The following COL9A3 variants were observed in gnomAD, a reference collection of about 807,000 sequenced individuals.
The protein encoded by COL9A3 is collagen type IX alpha 3 chain, also known as collagen alpha-3(IX) chain.
Under a neutral mutation model 110.2 loss-of-function variants are expected in COL9A3, and 82 were observed. The observed-to-expected ratio is 0.74, with a 90% CI of 0.62 to 0.89. The LOEUF (loss-of-function observed/expected upper bound fraction) is 0.89, where lower values mean the gene tolerates loss of function less well. COL9A3 is among the 40% of genes least tolerant of loss of function. The pLI, the probability that COL9A3 is intolerant of heterozygous loss-of-function variation, is 0.00. For missense variants in COL9A3, 1,066 were observed against 981.3 expected, an observed-to-expected ratio of 1.09 and a Z score of -1.15; for synonymous variants, 494 against 403.8, an observed-to-expected ratio of 1.22 and a Z score of -2.68.
At chr20:62,834,120 C>T (rs569997243) in intron 26 of COL9A3, among the ~76,000 whole-genome samples, 14 of 151,928 alleles carry the variant, frequency 9.2e-5, no homozygotes, top group Non-Finnish European at 1.6e-4. Flanking sequence ...GCAATCTGCC[C>T]GCCTCGGCCT....
rs932295218 is a variant in COL9A3 at position 62,840,865 on chromosome 20, C to T, written c.*133C>T. The T allele has an allele frequency of 2.9e-6, 3 of 1,024,594 alleles. No homozygotes were observed. The highest frequency in any genetic ancestry group is 3.2e-5 in the African/African-American group (2 of 62,292). 63.5% of individuals were successfully genotyped at this position (1,024,594 alleles called of 1,614,324 possible). A position where few individuals can be genotyped will look rare whatever the true frequency, so the allele number is the denominator to read the frequency against. ...GGCTGCCCCTCGGCCGCCGACTGGA[C>T]GCGCGGGCCTTGCCAGCGAGCACCC... On this transcript the variant is annotated 3_prime_UTR_variant, in exon 32 of 32. Coordinates refer to ENST00000649368, the MANE Select transcript of COL9A3 (RefSeq NM_001853.4).
At chr20:62,826,945 C>A in intron 15 of COL9A3, 125 bp downstream of exon 15, 1 of 1,071,008 alleles carries the variant, frequency 9.3e-7, no homozygotes. Flanking sequence ...TCCCTGGACA[C>A]CCTGGGAGGG....
intron 12 of COL9A3, 164 bp from the exon 13 acceptor site, chr20:62,825,653 C>A: frequency 1.3e-6 from 1 of 747,936 alleles, no homozygotes; most frequent in South Asian, 1.5e-5. Flanking sequence ...CGCGGGACTG[C>A]TCTGGAACTG....
intron 3 of COL9A3, 25 bp downstream of exon 3, chr20:62,818,578 A>G (rs773772804): frequency 6.2e-7 from 1 of 1,609,714 alleles, no homozygotes; most frequent in South Asian, 1.1e-5. Context: ...CTGGGGAGAC[A>G]GCCTTTTTCC....
chr20:62,829,434 C>A, intron 19 of COL9A3, 21 bp from the exon 20 acceptor site: 1 of 1,612,674 alleles, frequency 6.2e-7, no homozygotes, highest in Non-Finnish European at 8.5e-7. Context: ...GCAGCCCTGA[C>A]CGCAAGCTCT....
chr20:62,826,721 C>T, intron 14 of COL9A3, 46 bp from the exon 15 acceptor site: 1 of 1,605,746 alleles, frequency 6.2e-7, no homozygotes, highest in Non-Finnish European at 8.5e-7. Flanking sequence ...GGGATGCCAG[C>T]CAGGCCTCAG....
At chr20:62,820,317 G>A (rs763191595) in intron 5 of COL9A3, among the ~76,000 whole-genome samples, 52 of 152,022 alleles carry the variant, frequency 3.4e-4, no homozygotes, top group African/African-American at 8.0e-4. Context: ...AGGGACCCCC[G>A]GGCACGCAGC....
chr20:62,836,128 CG>C, intron 27 of COL9A3, 58 bp from the exon 28 acceptor site: 1 of 1,603,184 alleles, frequency 6.2e-7, no homozygotes, highest in Non-Finnish European at 8.5e-7. Flanking sequence ...AAGAGCACGT[CG>C]GGGTGGCTCT....
Position 62,828,933 on chromosome 20 carries a change from G to A in COL9A3, c.965G>A (p.Gly322Asp), listed in dbSNP as rs753244895. The change falls in exon 19 of 32, where the codon GGT (glycine) becomes GAT (aspartate). Residue 322 changes from glycine (G) to aspartate (D), a missense_variant. Gly to Asp is a moderately conservative substitution (Grantham distance 94). Transcript: ENST00000649368. Reference sequence around the variant, plus strand: ...TCTCTGTCCTCACAGGGAGAGGCTGGTCGCAACGGTGCTCCGGGAGAGAAG... The same window carrying A: ...TCTCTGTCCTCACAGGGAGAGGCTGATCGCAACGGTGCTCCGGGAGAGAAG... ...PGLDGQKGEA[G>D]RNGAPGEKGP... 2 of 1,611,912 alleles carry A rather than the reference G, an allele frequency of 1.2e-6. No homozygotes were observed. Among genetic ancestry groups the A allele is most frequent in the African/African-American group, 1.3e-5 (1 of 75,060 alleles).
chr20:62,821,490 C>T lies in COL9A3; in HGVS notation c.346-17C>T, dbSNP rs746133717. ...TCTTGTGCCTGGCAGGCTCTGACCC[C>T]ATGTTTGGCTTTGCAGGGCAAAGGC... On this transcript the variant is annotated splice_polypyrimidine_tract_variant and intron_variant, in intron 6 of 31. Coordinates refer to ENST00000649368, the MANE Select transcript of COL9A3 (RefSeq NM_001853.4). The T allele has an allele frequency of 2.3e-5, 37 of 1,612,854 alleles. No individual in the cohort carries two copies. The highest frequency in any genetic ancestry group is 1.6e-4 in the Middle Eastern group (1 of 6,084).
intron 10 of COL9A3, among the ~76,000 whole-genome samples, chr20:62,823,840 T>C (rs542899010): frequency 3.0e-4 from 46 of 152,378 alleles, no homozygotes; most frequent in African/African-American, 1.0e-3. Flanking sequence ...CGGCCGGGAC[T>C]GTGCTGAATG....
intron 27 of COL9A3, 93 bp downstream of exon 27, chr20:62,836,046 C>T (rs2063632224): frequency 6.2e-7 from 1 of 1,606,664 alleles, no homozygotes; most frequent in South Asian, 1.1e-5. Flanking sequence ...CTGCAGGGCA[C>T]TGCCCAGATC....
intron 1 of COL9A3, 88 bp from the exon 2 acceptor site, chr20:62,817,479 C>T: frequency 2.0e-6 from 2 of 1,004,500 alleles, no homozygotes; most frequent in Non-Finnish European, 1.5e-6. Context: ...GTCGCAGGCC[C>T]CGGAGCCGCT....
intron 11 of COL9A3, 87 bp from the exon 12 acceptor site, chr20:62,824,881 A>T: frequency 7.2e-7 from 1 of 1,390,604 alleles, no homozygotes; most frequent in Non-Finnish European, 1.0e-6. Flanking sequence ...CCCTGGGCTG[A>T]CTGACCCTGC....
chr20:62,826,811 T>A lies in COL9A3; in HGVS notation c.783T>A (p.Pro261=). The part of the protein sequence containing the change: ...FRGPPGIPGA[P]GKAGDRGERG... Reference sequence around the variant, plus strand: ...GGCCGCCTGGGATCCCAGGAGCGCCTGGGAAAGCGGTACGTGTGTCAGTGG... The same window carrying A: ...GGCCGCCTGGGATCCCAGGAGCGCCAGGGAAAGCGGTACGTGTGTCAGTGG... Residue 261 remains proline, a synonymous_variant, in exon 15 of 32, where the codon CCT becomes CCA. Coordinates refer to ENST00000649368, the MANE Select transcript of COL9A3 (RefSeq NM_001853.4). 1 of 1,612,762 alleles carries A rather than the reference T, an allele frequency of 6.2e-7. No homozygotes were observed. The highest frequency in any genetic ancestry group is 8.5e-7 in the Non-Finnish European group (1 of 1,179,922).
intron 5 of COL9A3, 137 bp from the exon 6 acceptor site, chr20:62,821,044 C>A (rs2063508490): frequency 1.1e-6 from 1 of 877,896 alleles, no homozygotes; most frequent in Non-Finnish European, 1.8e-6. Context: ...GGCTCAGAGG[C>A]CCTGCCCCTC....
At chr20:62,824,288 G>C (rs1197310406) in intron 10 of COL9A3, among the ~76,000 whole-genome samples, 157 bp from the exon 11 acceptor site, 1 of 149,580 alleles carries the variant, frequency 6.7e-6, no homozygotes, top group Non-Finnish European at 1.5e-5. Flanking sequence ...CACTGATGCG[G>C]AGTGGCCTCC....
At chr20:62,834,644 CTTTT>C (rs992779478) in intron 26 of COL9A3, among the ~76,000 whole-genome samples, 10 of 146,448 alleles carry the variant, frequency 6.8e-5, no homozygotes, top group Non-Finnish European at 4.5e-5. Flanking sequence ...TTAGTGAATT[CTTTT>C]TTTATTTTTT....
In COL9A3 at chr20:62,825,008, A is replaced by T; in HGVS notation, c.617A>T (p.Lys206Met). Residue 206 changes from lysine (K) to methionine (M), a missense_variant, in exon 12 of 32, where the codon AAG becomes ATG. Physicochemically the swap from Lys to Met is moderately conservative, Grantham distance 95. Coordinates refer to ENST00000649368, the MANE Select transcript of COL9A3 (RefSeq NM_001853.4). ...GYKGEQGEVG[K>M]DGEKGDPGPP... Reference sequence around the variant, plus strand: ...AAAGGCGAGCAGGGGGAAGTCGGCAAGGACGGCGAGAAGGTGAAGCTGCCG... The same window carrying T: ...AAAGGCGAGCAGGGGGAAGTCGGCATGGACGGCGAGAAGGTGAAGCTGCCG... The T allele has an allele frequency of 6.2e-7, 1 of 1,608,232 alleles. No homozygotes were observed. The highest frequency in any genetic ancestry group is 8.5e-7 in the Non-Finnish European group (1 of 1,178,236).
Sources: allele counts gnomAD v4.1 joint callset (sites outside exome capture counted in the v4.1 genomes callset), GRCh38; gene constraint gnomAD v4.1.1; transcripts MANE v1.5; gene names NCBI Gene and HGNC (gene_info 2026-07-23, HGNC 2026-07-21).